Variants in CLDN16 observed in about 807,000 individuals in gnomAD.
CLDN16 encodes the protein claudin 16.
A neutral mutation model predicts 24.6 loss-of-function variants in CLDN16; 13 were observed. The observed-to-expected ratio is 0.53, with a 90% confidence interval of 0.34 to 0.84. The LOEUF (loss-of-function observed/expected upper bound fraction) is 0.84, where lower values mean the gene tolerates loss of function less well. Ranked by LOEUF, CLDN16 falls within the 40% of genes least tolerant of loss-of-function variation. The pLI is 0.01. For synonymous variants in CLDN16, 116 were observed against 106.7 expected (o/e 1.09, Z -0.54); for missense variants, 298 against 292.7 (o/e 1.02, Z -0.13).
chr3:190,337,101 G>A (rs545883388), intron 1 of CLDN16, among the ~76,000 whole-genome samples: 1 of 152,274 alleles, frequency 6.6e-6, no homozygotes, highest in East Asian at 1.9e-4. Context: ...TGTTGGTGTG[G>A]ACAATGGACT....
chr3:190,310,556 T>A, the CLDN16 span, among the ~76,000 whole-genome samples: 1 of 152,230 alleles, frequency 6.6e-6, no homozygotes, highest in Non-Finnish European at 1.5e-5. Context: ...CTTTTAAATA[T>A]GCTGTTATAC....
At chr3:190,344,587 A>T (rs1467998466) in intron 1 of CLDN16, among the ~76,000 whole-genome samples, 2 of 152,092 alleles carry the variant, frequency 1.3e-5, no homozygotes, top group East Asian at 3.9e-4. Flanking sequence ...TGTTAAAATT[A>T]TATATGTATG....
At chr3:190,399,862 G>A (rs1718918956) in intron 1 of CLDN16, among the ~76,000 whole-genome samples, 1 of 152,084 alleles carries the variant, frequency 6.6e-6, no homozygotes, top group Admixed American at 6.6e-5. Context: ...GCCTAATGGT[G>A]GACAGAAGCT....
At chr3:190,302,168 G>T in the CLDN16 span, among the ~76,000 whole-genome samples, 3 of 152,100 alleles carry the variant, frequency 2.0e-5, no homozygotes, top group African/African-American at 2.4e-5. Context: ...CACTTGATTT[G>T]TTTCATCTCT....
At chr3:190,358,914 C>T (rs1000264955) in intron 1 of CLDN16, among the ~76,000 whole-genome samples, 5 of 151,928 alleles carry the variant, frequency 3.3e-5, no homozygotes, top group African/African-American at 1.2e-4. Flanking sequence ...GGCCTTATGG[C>T]CTTTCCTTTG....
chr3:190,318,397 G>T (rs1716825999), upstream of CLDN16, among the ~76,000 whole-genome samples: 1 of 152,140 alleles, frequency 6.6e-6, no homozygotes, highest in Non-Finnish European at 1.5e-5. Context: ...TAATAACAAA[G>T]AATTCTGGCA....
At chr3:190,387,260 T>G (rs1170177029), upstream of CLDN16, among the ~76,000 whole-genome samples, 29 of 152,334 alleles carry the variant, frequency 1.9e-4, no homozygotes, top group Admixed American at 1.8e-3. Context: ...GTAGACCCAT[T>G]AAGGATACCT....
chr3:190,376,761 A>G (rs778555392), intron 3 of CLDN16, among the ~76,000 whole-genome samples: 2 of 151,994 alleles, frequency 1.3e-5, no homozygotes, highest in Non-Finnish European at 2.9e-5. Context: ...GAAGAGACAC[A>G]GAGAATTACA....
chr3:190,293,465 G>T, the CLDN16 span, among the ~76,000 whole-genome samples: 1 of 152,174 alleles, frequency 6.6e-6, no homozygotes, highest in South Asian at 2.1e-4. Flanking sequence ...AGCCTTAGAT[G>T]GTTTTGAGCA....
At chr3:190,343,046 T>G (rs962824033) in intron 1 of CLDN16, among the ~76,000 whole-genome samples, 1 of 152,110 alleles carries the variant, frequency 6.6e-6, no homozygotes, top group East Asian at 1.9e-4. Context: ...GAAAAAATAT[T>G]TGCAAATCAT....
the CLDN16 span, among the ~76,000 whole-genome samples, chr3:190,301,145 G>A: frequency 6.8e-4 from 103 of 152,114 alleles, no homozygotes; most frequent in African/African-American, 2.1e-3. Context: ...TCATATGCCC[G>A]TTTTTCTACT....
At chr3:190,402,900 G>A (rs1234756928) in intron 2 of CLDN16, among the ~76,000 whole-genome samples, 3 of 152,152 alleles carry the variant, frequency 2.0e-5, no homozygotes, top group African/African-American at 7.2e-5. Flanking sequence ...GAGTGGCAGA[G>A]GCAGAAAGAG....
chr3:190,408,880 CTG>C (rs1222126667), intron 4 of CLDN16, among the ~76,000 whole-genome samples: 2 of 147,392 alleles, frequency 1.4e-5, no homozygotes, highest in South Asian at 2.1e-4. Context: ...TATATACATA[CTG>C]TATATATACC....
At chr3:190,319,584 A>G (rs372596801), upstream of CLDN16, among the ~76,000 whole-genome samples, 1 of 152,202 alleles carries the variant, frequency 6.6e-6, no homozygotes, top group Non-Finnish European at 1.5e-5. Flanking sequence ...ACAGATTTTA[A>G]TACTTCCCGT....
chr3:190,404,105 A>G (rs1228098730), intron 2 of CLDN16, among the ~76,000 whole-genome samples: 5 of 152,176 alleles, frequency 3.3e-5, no homozygotes, highest in Admixed American at 3.3e-4. Context: ...TCTGGAAGAG[A>G]TAAAACCCAT....
chr3:190,400,255 G>A (rs1325505228), intron 1 of CLDN16, among the ~76,000 whole-genome samples: 1 of 150,930 alleles, frequency 6.6e-6, no homozygotes, highest in East Asian at 2.0e-4. Flanking sequence ...CTGTTTGTTT[G>A]TTTAGACGGA....
Position 190,409,912 on chromosome 3 carries a change from C to G in CLDN16, c.584C>G (p.Pro195Arg), listed in dbSNP as rs755033066. 6.2e-7 allele frequency: 1 copy of G among 1,613,894 alleles called. No individual in the cohort carries two copies. The highest frequency in any genetic ancestry group is 1.1e-5 in the South Asian group (1 of 91,074). ...CCLYLFKDVG[P>R]ERNYPYSLRK... ...TATTTCTTTCAAACAGATGTTGGAC[C>G]TGAGAGAAACTATCCTTATTCCTTG... Residue 195 changes from proline to arginine, a missense_variant, in exon 5 of 5, where the codon CCT (proline) becomes CGT (arginine). By Grantham distance (103) the Pro-to-Arg change is moderately radical. Transcript: ENST00000264734.
At chr3:190,312,088 A>G in the CLDN16 span, among the ~76,000 whole-genome samples, 2 of 151,396 alleles carry the variant, frequency 1.3e-5, no homozygotes, top group African/African-American at 2.4e-5. Flanking sequence ...GCACCACCAC[A>G]CCCAGCTAAT....
At chr3:190,352,861 G>T (rs1488250599) in intron 1 of CLDN16, among the ~76,000 whole-genome samples, 1 of 151,756 alleles carries the variant, frequency 6.6e-6, no homozygotes, top group Admixed American at 6.6e-5. Flanking sequence ...TAGATCACTG[G>T]TTTTAAACAA....
Sources: gnomAD v4.1 joint callset for allele counts (sites outside exome capture counted in the v4.1 genomes callset) on GRCh38, gnomAD v4.1.1 for gene constraint, MANE v1.5 for transcripts, NCBI Gene and HGNC (gene_info 2026-07-23, HGNC 2026-07-21) for gene names.